TMEM132B: variants seen among roughly 807,000 people sequenced by gnomAD.
TMEM132B encodes the protein transmembrane protein 132B.
In TMEM132B, 18 loss-of-function variants were observed where a neutral mutation model predicts 90.8. The ratio of observed to expected loss-of-function variants is 0.20; its 90% CI spans 0.14 to 0.29. The LOEUF is 0.29. Among genes scored for constraint, TMEM132B ranks in the 10% least tolerant of loss-of-function variants. The probability of loss-of-function intolerance (pLI) is 1.00; values close to 1 mark genes in which losing one functional copy is unlikely to be tolerated. For missense variants in TMEM132B, 1,096 were observed against 1,326.8 expected (o/e 0.83, Z 2.70); for synonymous variants, 504 against 523.3 (o/e 0.96, Z 0.50).
chr12:125,273,222 C>A (rs1232230942), intron 1 of TMEM132B, among the ~76,000 whole-genome samples: 1 of 152,066 alleles, frequency 6.6e-6, no homozygotes, highest in Non-Finnish European at 1.5e-5. Flanking sequence ...TGAATAGATA[C>A]AAAATCATCT....
At chr12:125,613,745 A>G (rs1027245651) in intron 5 of TMEM132B, among the ~76,000 whole-genome samples, 10 of 152,052 alleles carry the variant, frequency 6.6e-5, no homozygotes, top group Non-Finnish European at 1.3e-4. Context: ...TATAAAGACA[A>G]TAATGCATTA....
intron 2 of TMEM132B, among the ~76,000 whole-genome samples, chr12:125,403,301 C>A (rs1165724862): frequency 1.3e-5 from 2 of 152,184 alleles, no homozygotes; most frequent in Non-Finnish European, 2.9e-5. Flanking sequence ...CCCCTCAGGC[C>A]ACATCCTTTG....
intron 3 of TMEM132B, among the ~76,000 whole-genome samples, chr12:125,506,895 C>T (rs1882859464): frequency 6.6e-6 from 1 of 152,234 alleles, no homozygotes; most frequent in Non-Finnish European, 1.5e-5. Flanking sequence ...TTCAGAAGCA[C>T]TGAGTGCCCA....
At chr12:125,224,913 C>A (rs1171004312) in intron 1 of TMEM132B, among the ~76,000 whole-genome samples, 2 of 152,234 alleles carry the variant, frequency 1.3e-5, no homozygotes, top group Non-Finnish European at 2.9e-5. Flanking sequence ...CAAACACACA[C>A]ACACTTTTTT....
At chr12:125,465,617 G>A (rs766428729) in intron 3 of TMEM132B, among the ~76,000 whole-genome samples, 3 of 152,228 alleles carry the variant, frequency 2.0e-5, no homozygotes, top group Non-Finnish European at 2.9e-5. Context: ...GGCCTAGGGT[G>A]TGCCCCCTGG....
intron 2 of TMEM132B, among the ~76,000 whole-genome samples, chr12:125,385,273 G>A (rs911311189): frequency 6.6e-6 from 1 of 152,000 alleles, no homozygotes; most frequent in Non-Finnish European, 1.5e-5. Flanking sequence ...ATTTATTCCT[G>A]TTTCTTCTTG....
At chr12:125,361,985 A>G (rs959599332) in intron 2 of TMEM132B, among the ~76,000 whole-genome samples, 2 of 152,088 alleles carry the variant, frequency 1.3e-5, no homozygotes, top group African/African-American at 2.4e-5. Flanking sequence ...AGTTTGTACC[A>G]AGCCACACTT....
chr12:125,458,576 A>G lies in TMEM132B; in HGVS notation c.1106+42899A>G, dbSNP rs1881356583. Among the ~76,000 whole-genome samples the G allele has an allele frequency of 6.6e-6, 1 of 152,122 alleles. No homozygotes were observed. Among genetic ancestry groups the G allele is most frequent in the Non-Finnish European group, 1.5e-5 (1 of 68,008 alleles). On this transcript the variant is annotated intron_variant, in intron 3 of 8. Coordinates refer to ENST00000682704, the MANE Select transcript of TMEM132B (RefSeq NM_001366854.1). The surrounding 1 kb of genome is among the most constrained non-coding windows in gnomAD (Gnocchi z 4.9). Reference sequence around the variant, plus strand: ...AGGGCTGGGGGATGGTTATGTTGAGAGCAGCCAGGTGGAGATCAGATCACA... The same window carrying G: ...AGGGCTGGGGGATGGTTATGTTGAGGGCAGCCAGGTGGAGATCAGATCACA...
At position 125,539,011 on chromosome 12, in the gene TMEM132B, C is replaced by A. The variant is rs193085421; in HGVS notation, c.1293+19386C>A. ...CAGCCACCACCATCTCCTGCCAGAC[C>A]GCCTGTCCTGGCCTCCTGCCTGGTC... On this transcript the variant is annotated intron_variant, in intron 4 of 8. Coordinates refer to ENST00000682704, the MANE Select transcript of TMEM132B (RefSeq NM_001366854.1). 1.6e-3 allele frequency among the ~76,000 whole-genome samples: 246 copies of A among 152,312 alleles called. 2 individuals carry two copies. The highest frequency in any genetic ancestry group is 5.1e-3 in the African/African-American group (211 of 41,564).
At chr12:125,388,080 G>GT (rs1878897213) in intron 2 of TMEM132B, among the ~76,000 whole-genome samples, 1 of 152,094 alleles carries the variant, frequency 6.6e-6, no homozygotes, top group African/African-American at 2.4e-5. Context: ...CACAGGATTT[G>GT]GTTGTGGGGG....
intron 2 of TMEM132B, among the ~76,000 whole-genome samples, chr12:125,385,076 G>C (rs904035728): frequency 6.6e-6 from 1 of 152,180 alleles, no homozygotes; most frequent in Non-Finnish European, 1.5e-5. Context: ...ATAAAAGTGA[G>C]ATCATGCTGC....
chr12:125,337,498 T>C (rs146496346), intron 1 of TMEM132B, among the ~76,000 whole-genome samples: 1 of 152,302 alleles, frequency 6.6e-6, no homozygotes, highest in African/African-American at 2.4e-5. Context: ...TAATGTGATA[T>C]GTGACACTCC....
At chr12:125,342,836 TG>T (rs1877230282) in intron 1 of TMEM132B, among the ~76,000 whole-genome samples, 1 of 152,194 alleles carries the variant, frequency 6.6e-6, no homozygotes, top group South Asian at 2.1e-4. Context: ...GGTGGCCTTT[TG>T]CTTGCCTGTC....
intron 5 of TMEM132B, 176 bp downstream of exon 5, chr12:125,584,170 G>A (rs1013009632): frequency 2.5e-5 from 20 of 814,736 alleles, no homozygotes; most frequent in African/African-American, 3.4e-5. Context: ...ATCAGCAGGC[G>A]GCTGCAGCAG....
At position 125,650,680 on chromosome 12, in the gene TMEM132B, C is replaced by T. The variant is rs1886882704; in HGVS notation, c.1644-3C>T. On this transcript the variant is annotated splice_polypyrimidine_tract_variant and splice_region_variant and intron_variant, in intron 6 of 8. Transcript: ENST00000682704. ...TGTTCTGTTTCGATTCCTTGTGCTC[C>T]AGGCCTACCCGGGAAAGCGATGACG... The T allele has an allele frequency of 6.2e-7, 1 of 1,605,216 alleles. No homozygotes were observed. The highest frequency in any genetic ancestry group is 1.3e-5 in the African/African-American group (1 of 74,780).
chr12:125,660,672 A>G lies in TMEM132B; in HGVS notation c.*5962A>G, dbSNP rs1028507573. ...TAAGAAATAACAGTTCAAGTTCATT[A>G]GGGAAATTATCTTCCCAGTCCAAGC... On this transcript the variant is annotated 3_prime_UTR_variant, in exon 9 of 9. Coordinates refer to ENST00000682704, the MANE Select transcript of TMEM132B (RefSeq NM_001366854.1). 24 of 152,236 alleles carry G rather than the reference A, an allele frequency of 1.6e-4. No homozygotes were observed. Among genetic ancestry groups the G allele is most frequent in the African/African-American group, 5.8e-4 (24 of 41,470 alleles). The allele number at this position is 152,236 out of a possible 1,614,324, so 9.4% of individuals were successfully genotyped here.
intron 4 of TMEM132B, among the ~76,000 whole-genome samples, chr12:125,575,056 T>TTATATATATATATATATATATATATA (rs1566078420): frequency 9.0e-4 from 10 of 11,054 alleles, no homozygotes; most frequent in African/African-American, 2.3e-3. Flanking sequence ...CTATTAGCTG[T>TTATATATATATATATATATATATATA]CATATATATA....
intron 1 of TMEM132B, among the ~76,000 whole-genome samples, chr12:125,285,803 A>G (rs766045021): frequency 4.6e-5 from 7 of 152,182 alleles, no homozygotes; most frequent in Non-Finnish European, 8.8e-5. Flanking sequence ...CCAAGTGGCC[A>G]GGGGGCAAAG....
chr12:125,362,285 C>T (rs1411349887), intron 2 of TMEM132B, among the ~76,000 whole-genome samples: 2 of 152,202 alleles, frequency 1.3e-5, no homozygotes. Context: ...GGCTCTATCA[C>T]ACCCTGATAC....
Sources: gnomAD v4.1 joint callset for allele counts (sites outside exome capture counted in the v4.1 genomes callset) on GRCh38, gnomAD v4.1.1 for gene constraint, Gnocchi (gnomAD v3.1) non-coding constraint, MANE v1.5 for transcripts, NCBI Gene and HGNC (gene_info 2026-07-23, HGNC 2026-07-21) for gene names.